The following EVA1A variants were observed in gnomAD, a reference collection of about 807,000 sequenced individuals.
EVA1A encodes the protein protein eva-1 homolog A.
EVA1A carries 7 observed loss-of-function variants against 9.8 expected under a neutral mutation model. The observed-to-expected ratio is 0.71, with a 90% CI of 0.41 to 1.34. The LOEUF is 1.34. Ranked by LOEUF, EVA1A falls within the 40% of genes most tolerant of loss-of-function variation. The pLI, the probability that EVA1A is intolerant of heterozygous loss-of-function variation, is 0.01. For missense variants in EVA1A, 206 were observed against 205.9 expected (o/e 1.00, Z 0.00); for synonymous variants, 90 against 85.6 (o/e 1.05, Z -0.28).
chr2:75,498,531 G>T lies in EVA1A; in HGVS notation c.86-4922C>A, dbSNP rs556127914. On this transcript the variant is annotated intron_variant, in intron 3 of 3. Transcript: ENST00000393913. ...CAGAAACAAAAAACTAATAAGGGAGGGATATGAGAACCTTCTGCACTACCT... is the reference window on the plus strand; with the variant it reads ...CAGAAACAAAAAACTAATAAGGGAGTGATATGAGAACCTTCTGCACTACCT... Among the ~76,000 whole-genome samples, 9 of 152,112 alleles carry T rather than the reference G, an allele frequency of 5.9e-5. No individual in the cohort carries two copies. The East Asian group carries it at 1.7e-3, about 29-fold the overall frequency.
At chr2:75,514,808 C>T (rs766357827) in intron 3 of EVA1A, among the ~76,000 whole-genome samples, 20 of 152,050 alleles carry the variant, frequency 1.3e-4, no homozygotes, top group Non-Finnish European at 1.9e-4. Context: ...TAATTCTTTC[C>T]TTAGGAGACA....
At chr2:75,547,773 AATTCAGC>A (rs1676383496) in intron 1 of EVA1A, among the ~76,000 whole-genome samples, 1 of 152,128 alleles carries the variant, frequency 6.6e-6, no homozygotes, top group African/African-American at 2.4e-5. Flanking sequence ...CCCATCCTCC[AATTCAGC>A]ATTCACAGAG....
chr2:75,528,423 C>T (rs1272174011), intron 1 of EVA1A, among the ~76,000 whole-genome samples: 1 of 152,172 alleles, frequency 6.6e-6, no homozygotes, highest in African/African-American at 2.4e-5. Context: ...ATAAATTCAG[C>T]TCTGTTGGCT....
intron 3 of EVA1A, among the ~76,000 whole-genome samples, chr2:75,500,427 C>T (rs768522548): frequency 6.8e-4 from 103 of 152,204 alleles, no homozygotes; most frequent in South Asian, 1.9e-3. Flanking sequence ...TCCCAACACC[C>T]GTAGCTATAC....
At chr2:75,526,213 C>T (rs1376212625) in intron 1 of EVA1A, 1 of 152,096 alleles carries the variant, frequency 6.6e-6, no homozygotes, top group Admixed American at 6.5e-5. Context: ...CAAACAGAAT[C>T]AAATGTAAAT....
chr2:75,535,974 A>G (rs1333202562), intron 1 of EVA1A, among the ~76,000 whole-genome samples: 1 of 152,204 alleles, frequency 6.6e-6, no homozygotes, highest in East Asian at 1.9e-4. Context: ...TATACACTAT[A>G]AGAAACTATA....
At chr2:75,505,536 G>A (rs964397797) in intron 3 of EVA1A, among the ~76,000 whole-genome samples, 9 of 152,182 alleles carry the variant, frequency 5.9e-5, no homozygotes, top group African/African-American at 1.9e-4. Flanking sequence ...GTATAAATAT[G>A]TGCCAGTATA....
At chr2:75,517,999 C>G in intron 3 of EVA1A, 57 bp downstream of exon 3, 2 of 1,605,042 alleles carry the variant, frequency 1.2e-6, no homozygotes, top group Admixed American at 3.4e-5. Flanking sequence ...ACCCAGGAGA[C>G]AACCTTGGAC....
chr2:75,557,701 C>T (rs576743987), intron 1 of EVA1A, among the ~76,000 whole-genome samples: 3 of 152,238 alleles, frequency 2.0e-5, no homozygotes, highest in Non-Finnish European at 4.4e-5. Context: ...AAAGTTAATC[C>T]TCTTCTAGCC....
At chr2:75,533,522 G>A (rs1301186518) in intron 1 of EVA1A, among the ~76,000 whole-genome samples, 2 of 152,278 alleles carry the variant, frequency 1.3e-5, no homozygotes, top group East Asian at 3.9e-4. Context: ...GATATCATGA[G>A]ATATCAAGAA....
intron 1 of EVA1A, among the ~76,000 whole-genome samples, chr2:75,525,321 C>G (rs911791652): frequency 1.3e-5 from 2 of 152,188 alleles, no homozygotes; most frequent in African/African-American, 2.4e-5. Flanking sequence ...ACTGTGGTTT[C>G]TTATCACCCA....
At chr2:75,519,891 A>G (rs574618914) in intron 2 of EVA1A, among the ~76,000 whole-genome samples, 54 of 152,260 alleles carry the variant, frequency 3.5e-4, no homozygotes, top group South Asian at 3.1e-3. Context: ...ACAATCTCCT[A>G]CCTGGTCTTT....
intron 2 of EVA1A, chr2:75,518,693 C>T: frequency 2.0e-6 from 2 of 987,326 alleles, no homozygotes; most frequent in Non-Finnish European, 2.4e-6. Context: ...GAGGCACAGC[C>T]CATCGGGTTC....
chr2:75,501,676 G>C (rs964933607), intron 3 of EVA1A, among the ~76,000 whole-genome samples: 3 of 152,182 alleles, frequency 2.0e-5, no homozygotes, highest in Non-Finnish European at 4.4e-5. Context: ...CAAAGAGAGG[G>C]ACTGGCCCAC....
chr2:75,554,115 A>C (rs1676619374), intron 1 of EVA1A, among the ~76,000 whole-genome samples: 1 of 152,152 alleles, frequency 6.6e-6, no homozygotes, highest in Non-Finnish European at 1.5e-5. Flanking sequence ...CCTTTTGATC[A>C]AAGTCCCCTT....
At chr2:75,554,798 G>C (rs1430787270) in intron 1 of EVA1A, among the ~76,000 whole-genome samples, 1 of 152,198 alleles carries the variant, frequency 6.6e-6, no homozygotes, top group Non-Finnish European at 1.5e-5. Context: ...CCTGGAGGAA[G>C]GATGGTCCCC....
chr2:75,518,030 T>A (rs1675076241), intron 3 of EVA1A, 26 bp downstream of exon 3: 3 of 1,613,316 alleles, frequency 1.9e-6, no homozygotes, highest in Non-Finnish European at 2.5e-6. Flanking sequence ...ACCTCAGTCC[T>A]GGCCCAGTGG....
chr2:75,529,824 C>T (rs1407651552), intron 1 of EVA1A, among the ~76,000 whole-genome samples: 2 of 152,042 alleles, frequency 1.3e-5, no homozygotes, highest in Non-Finnish European at 2.9e-5. Context: ...TCTAAGGTCA[C>T]ACCTTAAGGA....
At chr2:75,535,107 G>C (rs1437000067) in intron 1 of EVA1A, among the ~76,000 whole-genome samples, 1 of 152,006 alleles carries the variant, frequency 6.6e-6, no homozygotes, top group Admixed American at 6.6e-5. Context: ...CCATTAAAAA[G>C]TGGGCAAATG....
Sources: allele counts gnomAD v4.1 joint callset (sites outside exome capture counted in the v4.1 genomes callset), GRCh38; gene constraint gnomAD v4.1.1; transcripts MANE v1.5; gene names NCBI Gene and HGNC (gene_info 2026-07-23, HGNC 2026-07-21).